The following HMOX2 variants were observed in gnomAD, a reference collection of about 807,000 sequenced individuals.
HMOX2 encodes the protein heme oxygenase (decycling) 2.
In HMOX2, 30 loss-of-function variants were observed where a neutral mutation model predicts 33.7. The ratio of observed to expected loss-of-function variants is 0.89; its 90% CI spans 0.67 to 1.21. The LOEUF is 1.21. HMOX2 is among the 50% of genes most tolerant of loss of function. The pLI is 0.00. For missense variants in HMOX2, 403 were observed against 399.1 expected (o/e 1.01, Z -0.08); for synonymous variants, 155 against 155.0 (o/e 1.00, Z 0.00).
At chr16:4,499,776 G>A (rs566865049) in intron 1 of HMOX2, among the ~76,000 whole-genome samples, 1 of 152,180 alleles carries the variant, frequency 6.6e-6, no homozygotes, top group African/African-American at 2.4e-5. Context: ...ACATCACACT[G>A]TACCCCATAA....
intron 3 of HMOX2, 121 bp from the exon 4 acceptor site, chr16:4,507,592 C>A: frequency 1.0e-6 from 1 of 974,028 alleles, no homozygotes; most frequent in Non-Finnish European, 1.5e-6. Context: ...TAATTCACTA[C>A]ATAAAAATGG....
At chr16:4,478,765 CAAAAAAAA>C (rs35433748) in intron 1 of HMOX2, among the ~76,000 whole-genome samples, 1 of 86,186 alleles carries the variant, frequency 1.2e-5, no homozygotes, top group East Asian at 3.0e-4. Context: ...AACTGCATCT[CAAAAAAAA>C]AAAAAAGAAA....
intron 1 of HMOX2, among the ~76,000 whole-genome samples, chr16:4,498,150 C>T (rs1339897753): frequency 6.6e-6 from 1 of 150,404 alleles, no homozygotes. Context: ...CTGCAACCTC[C>T]ACCTCCTAGG....
At position 4,509,441 on chromosome 16, in the gene HMOX2, C is replaced by T. The variant is rs750866487; in HGVS notation, c.726C>T (p.Ser242=). Reference sequence around the variant, plus strand: ...TCAATGAACTGGACCAGGCCGGCTCCACACTGGCCAGAGAGACCTTGGAGG... The same window carrying T: ...TCAATGAACTGGACCAGGCCGGCTCTACACTGGCCAGAGAGACCTTGGAGG... ...QIFNELDQAG[S]TLARETLEDG... is the part of the protein sequence containing the mutation. Residue 242 remains serine (S), a synonymous_variant, in exon 5 of 6, where the codon TCC becomes TCT. Transcript: ENST00000570646. The T allele has an allele frequency of 3.1e-6, 5 of 1,614,058 alleles. No homozygotes were observed. The East Asian group carries it at 1.1e-4, about 36-fold the overall frequency.
chr16:4,507,902 C>T lies in HMOX2; in HGVS notation c.394C>T (p.Gln132Ter). The T allele has an allele frequency of 6.2e-7, 1 of 1,613,954 alleles. No individual in the cohort carries two copies. The highest frequency in any genetic ancestry group is 8.5e-7 in the Non-Finnish European group (1 of 1,179,982). Residue 132 changes from glutamine to a stop codon, truncating the protein, a stop_gained, in exon 4 of 6, where the codon CAG (glutamine) becomes TAG (stop). Coordinates refer to ENST00000570646, the MANE Select transcript of HMOX2 (RefSeq NM_002134.4). LOFTEE classifies it high-confidence loss of function. ...GCAGGTGCAGTGCCCCAAGGCTGCC[C>T]AGAAGTACGTGGAGCGGATCCACTA... is the stretch of plus-strand genomic sequence containing the variant. ...EEQVQCPKAAQKYVERIHYIG... is the reference protein window; with the variant it reads ...EEQVQCPKAA
chr16:4,505,466 C>A lies in HMOX2; in HGVS notation c.-41-18C>A. The A allele has an allele frequency of 7.5e-7, 1 of 1,339,336 alleles. No individual in the cohort carries two copies. Among genetic ancestry groups the A allele is most frequent in the Non-Finnish European group, 1.0e-6 (1 of 961,688 alleles). 83.0% of individuals were successfully genotyped at this position (1,339,336 alleles called of 1,614,324 possible). ...ACTGCCGTGGGTGCCACATCACCAG[C>A]TCCTTGTGTCTCTGCAGGACCAGAG... On this transcript the variant is annotated intron_variant, in intron 1 of 5. Transcript: ENST00000570646.
At chr16:4,491,015 C>T (rs1345904486) in intron 1 of HMOX2, among the ~76,000 whole-genome samples, 3 of 152,156 alleles carry the variant, frequency 2.0e-5, no homozygotes, top group Non-Finnish European at 2.9e-5. Flanking sequence ...AGCACACTCC[C>T]GTCTTTCAGT....
At chr16:4,492,094 A>G (rs2058318775) in intron 1 of HMOX2, among the ~76,000 whole-genome samples, 1 of 152,096 alleles carries the variant, frequency 6.6e-6, no homozygotes, top group African/African-American at 2.4e-5. Context: ...CTGTAATCCC[A>G]ACAATGGGAG....
chr16:4,509,378 CA>C (rs2058776371), intron 4 of HMOX2, 33 bp from the exon 5 acceptor site: 1 of 1,602,392 alleles, frequency 6.2e-7, no homozygotes, highest in East Asian at 2.2e-5. Flanking sequence ...ATGGGCAGCC[CA>C]AAGATGGCTC....
intron 1 of HMOX2, among the ~76,000 whole-genome samples, chr16:4,480,297 C>T (rs1005701378): frequency 2.0e-5 from 3 of 149,454 alleles, no homozygotes; most frequent in African/African-American, 4.9e-5. Context: ...AACCACCCTC[C>T]TTGGCCTCCC....
rs757974154 is a variant in HMOX2 at position 4,507,683 on chromosome 16, A to C, written c.205-30A>C. 3.7e-6 allele frequency: 6 copies of C among 1,603,120 alleles called. 1 individual carries two copies. The South Asian group carries it at 6.7e-5, about 18-fold the overall frequency. On this transcript the variant is annotated intron_variant, in intron 3 of 5. Coordinates refer to ENST00000570646, the MANE Select transcript of HMOX2 (RefSeq NM_002134.4). ...CTGCTCGGATGTGGTGTGCTCAGGC[A>C]TAGCTGGCCTCCTCCTGTCACCTCC...
chr16:4,507,930 T>C lies in HMOX2; in HGVS notation c.422T>C (p.Ile141Thr). ...AQKYVERIHY[I>T]GQNEPELLVA... is the part of the protein sequence containing the mutation. ...AAGTACGTGGAGCGGATCCACTACA[T>C]AGGGCAGAACGAGCCGGAGCTACTG... is the stretch of plus-strand genomic sequence containing the variant. Residue 141 changes from isoleucine to threonine, a missense_variant, in exon 4 of 6, where the codon ATA becomes ACA. Transcript: ENST00000570646. The C allele has an allele frequency of 1.2e-6, 2 of 1,613,620 alleles. No individual in the cohort carries two copies. Among genetic ancestry groups the C allele is most frequent in the Non-Finnish European group, 1.7e-6 (2 of 1,179,966 alleles).
At chr16:4,475,704 G>A (rs896222000), upstream of HMOX2, among the ~76,000 whole-genome samples, 12 of 151,816 alleles carry the variant, frequency 7.9e-5, no homozygotes. Flanking sequence ...TTGGGAGGCC[G>A]AGGCGGGTGG....
chr16:4,475,074 C>G (rs2057778900), upstream of HMOX2, among the ~76,000 whole-genome samples: 1 of 151,940 alleles, frequency 6.6e-6, no homozygotes, highest in African/African-American at 2.4e-5. Context: ...GCCTCAGCCT[C>G]CCGAGTAGCT....
chr16:4,502,621 T>A (rs1263385375), intron 1 of HMOX2: 1 of 152,232 alleles, frequency 6.6e-6, no homozygotes. Flanking sequence ...TCCCAGCACC[T>A]TTTTCTCTGC....
At chr16:4,481,594 C>G (rs549110996) in intron 1 of HMOX2, among the ~76,000 whole-genome samples, 69 of 152,210 alleles carry the variant, frequency 4.5e-4, no homozygotes, top group Non-Finnish European at 8.4e-4. Context: ...GTCTGTATTG[C>G]ACAATTAATA....
intron 1 of HMOX2, among the ~76,000 whole-genome samples, chr16:4,497,651 T>G (rs1215984429): frequency 6.6e-6 from 1 of 152,188 alleles, no homozygotes; most frequent in African/African-American, 2.4e-5. Flanking sequence ...CTTCACTGCT[T>G]GCTCAGTTGT....
At chr16:4,483,204 TG>T (rs2058076911) in intron 1 of HMOX2, among the ~76,000 whole-genome samples, 1 of 123,298 alleles carries the variant, frequency 8.1e-6, no homozygotes, top group Admixed American at 8.5e-5. Flanking sequence ...TGTGTGTGTG[TG>T]TGTGTGTGTG....
At chr16:4,476,225 A>C (rs1170651468), upstream of HMOX2, 1 of 152,300 alleles carries the variant, frequency 6.6e-6, no homozygotes, top group Non-Finnish European at 1.5e-5. Context: ...CTGCCGAAGC[A>C]CGCCTACTTA....
Sources: gnomAD v4.1 joint callset for allele counts (sites outside exome capture counted in the v4.1 genomes callset) on GRCh38, gnomAD v4.1.1 for gene constraint, MANE v1.5 for transcripts, NCBI Gene and HGNC (gene_info 2026-07-23, HGNC 2026-07-21) for gene names.